The following TENT2 variants were observed in gnomAD, a reference collection of about 807,000 sequenced individuals.
TENT2 encodes poly(A) RNA polymerase GLD2.
TENT2 carries 44 observed loss-of-function variants against 72.2 expected under a neutral mutation model. The observed-to-expected ratio is 0.61, with a 90% CI of 0.48 to 0.78. The LOEUF (loss-of-function observed/expected upper bound fraction) is 0.78. Ranked by LOEUF, TENT2 falls within the 30% of genes least tolerant of loss-of-function variation. The pLI, the probability that TENT2 is intolerant of heterozygous loss-of-function variation, is 0.00. For missense variants in TENT2, 541 were observed against 569.6 expected, an observed-to-expected ratio of 0.95 and a Z score of 0.51; for synonymous variants, 212 against 192.5, an observed-to-expected ratio of 1.10 and a Z score of -0.84.
chr5:79,687,194 A>G lies in TENT2; in HGVS notation c.*1921A>G, dbSNP rs569300122. 9.9e-5 allele frequency among the ~76,000 whole-genome samples: 15 copies of G among 152,212 alleles called. No individual in the cohort carries two copies. The highest frequency in any genetic ancestry group is 1.3e-4 in the Non-Finnish European group (9 of 68,024). On this transcript the variant is annotated 3_prime_UTR_variant, in exon 15 of 15. Transcript: ENST00000453514. ...AGTCACTAAACTTAGACCCAATTCTATATCAGTAGACTGAGGCCTGAAATT... is the reference window on the plus strand; with the variant it reads ...AGTCACTAAACTTAGACCCAATTCTGTATCAGTAGACTGAGGCCTGAAATT...
intron 4 of TENT2, among the ~76,000 whole-genome samples, chr5:79,639,188 G>GAA (rs1782516866): frequency 6.6e-6 from 1 of 152,034 alleles, no homozygotes; most frequent in African/African-American, 2.4e-5. Flanking sequence ...CTGTGGTTAA[G>GAA]AGGCTGAGGA....
intron 1 of TENT2, among the ~76,000 whole-genome samples, chr5:79,616,971 A>G (rs1410765844): frequency 2.0e-5 from 3 of 152,094 alleles, no homozygotes; most frequent in African/African-American, 4.8e-5. Flanking sequence ...ACAAGGAACA[A>G]TGTTTGTGAG....
intron 12 of TENT2, among the ~76,000 whole-genome samples, chr5:79,670,876 A>G (rs1181898515): frequency 1.3e-5 from 2 of 151,440 alleles, no homozygotes; most frequent in African/African-American, 4.9e-5. Context: ...GCCCATGGCA[A>G]TCTACAGCTA....
Position 79,632,791 on chromosome 5 carries a change from TC to T in TENT2, c.466-8059del, listed in dbSNP as rs1231179018. On this transcript the variant is annotated intron_variant, in intron 4 of 14. Coordinates refer to ENST00000453514, the MANE Select transcript of TENT2 (RefSeq NM_001114394.3). ...TAATTTATGTGTTTGTCAGAAAAAT[TC>T]AAAAACCACTGAGATATAAATTTAC... Among the ~76,000 whole-genome samples, 15 of 152,252 alleles carry T rather than the reference TC, an allele frequency of 9.9e-5. No homozygotes were observed. The East Asian group carries it at 2.9e-3, about 29-fold the overall frequency.
At chr5:79,627,129 CA>C (rs58479791) in intron 4 of TENT2, among the ~76,000 whole-genome samples, 214 of 128,674 alleles carry the variant, frequency 1.7e-3, no homozygotes, top group Middle Eastern at 9.7e-3. Flanking sequence ...GACTCCGTCT[CA>C]AAAAAAAAAA....
intron 11 of TENT2, among the ~76,000 whole-genome samples, chr5:79,661,371 C>A (rs1802755837): frequency 6.6e-6 from 1 of 151,740 alleles, no homozygotes; most frequent in South Asian, 2.1e-4. Context: ...TGTACCTTTT[C>A]TATTTTTAGA....
At position 79,685,181 on chromosome 5, in the gene TENT2, T is replaced by G; in HGVS notation, c.1381-18T>G. Reference sequence around the variant, plus strand: ...CATAAATTTTAGGTTTTAAGAATGATTTTTCTTTCTCTCCCAGTCATGGCA... The same window carrying G: ...CATAAATTTTAGGTTTTAAGAATGAGTTTTCTTTCTCTCCCAGTCATGGCA... On this transcript the variant is annotated intron_variant, in intron 14 of 14. Transcript: ENST00000453514. 1.9e-6 allele frequency: 3 copies of G among 1,579,800 alleles called. No individual in the cohort carries two copies. The highest frequency in any genetic ancestry group is 2.6e-6 in the Non-Finnish European group (3 of 1,157,716).
intron 1 of TENT2, among the ~76,000 whole-genome samples, chr5:79,619,163 ATTG>A (rs1655236963): frequency 6.6e-6 from 1 of 152,212 alleles, no homozygotes; most frequent in Non-Finnish European, 1.5e-5. Flanking sequence ...AATCTTATAA[ATTG>A]TTAAGACAAT....
chr5:79,640,187 C>T (rs1464895292), intron 4 of TENT2, among the ~76,000 whole-genome samples: 1 of 150,710 alleles, frequency 6.6e-6, no homozygotes, highest in Non-Finnish European at 1.5e-5. Context: ...ACCCAGGAGG[C>T]TGAGGTTGCA....
At chr5:79,628,786 C>T (rs186997790) in intron 4 of TENT2, among the ~76,000 whole-genome samples, 4 of 152,256 alleles carry the variant, frequency 2.6e-5, no homozygotes, top group Admixed American at 2.6e-4. Flanking sequence ...TCATATAGGG[C>T]TTATGAGAAA....
At chr5:79,655,809 TTTTA>T (rs1797554106) in intron 10 of TENT2, among the ~76,000 whole-genome samples, 1 of 151,840 alleles carries the variant, frequency 6.6e-6, no homozygotes, top group South Asian at 2.1e-4. Context: ...TACCATGGAA[TTTTA>T]TTTTATGCCA....
chr5:79,621,388 C>G, intron 3 of TENT2, among the ~76,000 whole-genome samples: 1 of 152,262 alleles, frequency 6.6e-6, no homozygotes, highest in Middle Eastern at 3.4e-3. Context: ...TATAATAATT[C>G]TAATAGTATT....
intron 3 of TENT2, among the ~76,000 whole-genome samples, chr5:79,621,184 T>G (rs918799570): frequency 1.3e-5 from 2 of 152,122 alleles, no homozygotes; most frequent in South Asian, 4.1e-4. Context: ...CAACTAACGG[T>G]TTGATTAAAT....
At chr5:79,623,960 A>G (rs1398911517) in intron 4 of TENT2, among the ~76,000 whole-genome samples, 1 of 152,196 alleles carries the variant, frequency 6.6e-6, no homozygotes. Context: ...AAACATTTAT[A>G]AAAATTTTCA....
chr5:79,652,981 A>G (rs1317040826), intron 10 of TENT2, among the ~76,000 whole-genome samples: 1 of 152,054 alleles, frequency 6.6e-6, no homozygotes, highest in Non-Finnish European at 1.5e-5. Context: ...TATAAAAAAT[A>G]TGTGGCACCA....
chr5:79,657,046 G>T, intron 11 of TENT2, 45 bp downstream of exon 11: 1 of 1,321,910 alleles, frequency 7.6e-7, no homozygotes, highest in Non-Finnish European at 1.1e-6. Context: ...TATGTCAAGT[G>T]TATGTAGAAC....
At chr5:79,637,902 A>T (rs1781417844) in intron 4 of TENT2, among the ~76,000 whole-genome samples, 1 of 147,424 alleles carries the variant, frequency 6.8e-6, no homozygotes, top group Non-Finnish European at 1.5e-5. Context: ...GGTTCAGGTG[A>T]TTCTCTTGCC....
chr5:79,668,958 C>G lies in TENT2; in HGVS notation c.1138C>G (p.Leu380Val), dbSNP rs758520279. The G allele has an allele frequency of 6.2e-7, 1 of 1,613,684 alleles. No individual in the cohort carries two copies. ...HQAPCNVPPY[L>V]SKNESNLGDL... The stretch of plus-strand genomic sequence containing the variant: ...AGCTCCATGTAATGTTCCTCCTTAC[C>G]TCTCAAAGAATGAATCAAACCTTGG... Residue 380 changes from leucine to valine, a missense_variant, in exon 12 of 15, where the codon CTC becomes GTC. By Grantham distance (32) the Leu-to-Val change is conservative (BLOSUM62 1). Coordinates refer to ENST00000453514, the MANE Select transcript of TENT2 (RefSeq NM_001114394.3).
chr5:79,638,246 C>G (rs1242640498), intron 4 of TENT2, among the ~76,000 whole-genome samples: 1 of 152,128 alleles, frequency 6.6e-6, no homozygotes, highest in East Asian at 1.9e-4. Flanking sequence ...GAGTTGTCCT[C>G]TGCATTGTAG....
Sources: allele counts gnomAD v4.1 joint callset (sites outside exome capture counted in the v4.1 genomes callset), GRCh38; gene constraint gnomAD v4.1.1; transcripts MANE v1.5; gene names NCBI Gene and HGNC (gene_info 2026-07-23, HGNC 2026-07-21).